Variants in SDK1 observed in about 807,000 individuals in gnomAD.
SDK1 encodes protein sidekick-1.
Under a neutral mutation model 245.5 loss-of-function variants are expected in SDK1, and 157 were observed. That is an observed-to-expected ratio of 0.64 (90% CI 0.56 to 0.73). The LOEUF is 0.73. Ranked by LOEUF, SDK1 falls within the 30% of genes least tolerant of loss-of-function variation. The pLI is 0.00. For synonymous variants in SDK1, 1,647 were observed against 1,278.5 expected, an observed-to-expected ratio of 1.29 and a Z score of -6.15; for missense variants, 3,583 against 3,002.3, an observed-to-expected ratio of 1.19 and a Z score of -4.52.
chr7:3,937,714 C>T (rs1033072840), intron 5 of SDK1, among the ~76,000 whole-genome samples: 4 of 152,180 alleles, frequency 2.6e-5, no homozygotes, highest in African/African-American at 9.6e-5. Context: ...CTTCAAAGGC[C>T]CCTGCCCGCG....
chr7:3,736,164 C>T (rs1277018877), intron 4 of SDK1, among the ~76,000 whole-genome samples: 2 of 152,022 alleles, frequency 1.3e-5, no homozygotes, highest in African/African-American at 4.8e-5. Context: ...TTAGTTTTGT[C>T]CTTTGATGGC....
chr7:4,218,300 G>A (rs984165777), intron 38 of SDK1, among the ~76,000 whole-genome samples: 2 of 152,190 alleles, frequency 1.3e-5, no homozygotes, highest in Non-Finnish European at 2.9e-5. Flanking sequence ...GGCTAAGGCA[G>A]GAGAATCGCT....
In SDK1 at chr7:3,564,601, G is replaced by T. The variant is rs920248190; in HGVS notation, c.299-54479G>T. Among the ~76,000 whole-genome samples the T allele has an allele frequency of 1.7e-4, 26 of 151,918 alleles. 2 individuals are homozygous for T. In the South Asian group the frequency reaches 5.2e-3, roughly 30 times the overall value. Reference sequence around the variant, plus strand: ...ACAAAATGTATACTTAATAAATTTGGGGGAAAAGCTAAATAAAATGAATAA... The same window carrying T: ...ACAAAATGTATACTTAATAAATTTGTGGGAAAAGCTAAATAAAATGAATAA... On this transcript the variant is annotated intron_variant, in intron 1 of 44. Coordinates refer to ENST00000404826, the MANE Select transcript of SDK1 (RefSeq NM_152744.4).
chr7:3,465,851 C>A (rs527635405), intron 1 of SDK1, among the ~76,000 whole-genome samples: 2 of 152,298 alleles, frequency 1.3e-5, no homozygotes, highest in South Asian at 4.1e-4. Flanking sequence ...ACACTCCAAG[C>A]AGCCATAGGG....
intron 1 of SDK1, among the ~76,000 whole-genome samples, chr7:3,323,368 C>T (rs546502203): frequency 3.3e-5 from 5 of 152,190 alleles, no homozygotes; most frequent in South Asian, 4.1e-4. Context: ...CTGCTGGTGC[C>T]GATTGAATTT....
At chr7:3,424,911 T>C (rs954677304) in intron 1 of SDK1, among the ~76,000 whole-genome samples, 1 of 151,956 alleles carries the variant, frequency 6.6e-6, no homozygotes. Flanking sequence ...AACAAATATT[T>C]TTCATCCTTG....
chr7:3,491,681 T>G (rs1183799643), intron 1 of SDK1, among the ~76,000 whole-genome samples: 1 of 152,212 alleles, frequency 6.6e-6, no homozygotes, highest in Non-Finnish European at 1.5e-5. Flanking sequence ...ACATTCTCAG[T>G]TGAGCTAGAA....
intron 4 of SDK1, among the ~76,000 whole-genome samples, chr7:3,665,821 C>T: frequency 6.6e-6 from 1 of 152,162 alleles, no homozygotes; most frequent in East Asian, 1.9e-4. Flanking sequence ...TTGGAGTATC[C>T]AGCGTTCCTT....
chr7:3,617,879 C>T (rs142339113), intron 1 of SDK1, among the ~76,000 whole-genome samples: 17 of 152,140 alleles, frequency 1.1e-4, no homozygotes, highest in South Asian at 2.1e-4. Flanking sequence ...ACATTCAGAC[C>T]GTAACTCTAG....
At chr7:3,761,452 G>T (rs189905678) in intron 4 of SDK1, among the ~76,000 whole-genome samples, 24 of 151,508 alleles carry the variant, frequency 1.6e-4, no homozygotes, top group African/African-American at 5.3e-4. Context: ...TACTCGGAAG[G>T]CTGAGGCAGG....
chr7:3,713,652 G>C (rs1350887086), intron 4 of SDK1, among the ~76,000 whole-genome samples: 1 of 152,212 alleles, frequency 6.6e-6, no homozygotes, highest in African/African-American at 2.4e-5. Context: ...TCCGTCATCA[G>C]ATACCTTTCT....
At chr7:3,846,051 A>G (rs2115094928) in intron 5 of SDK1, among the ~76,000 whole-genome samples, 1 of 152,264 alleles carries the variant, frequency 6.6e-6, no homozygotes, top group African/African-American at 2.4e-5. Flanking sequence ...GTTTGAAGTA[A>G]ATGAGAGTAA....
At chr7:3,322,041 G>A (rs1420521422) in intron 1 of SDK1, among the ~76,000 whole-genome samples, 2 of 147,746 alleles carry the variant, frequency 1.4e-5, no homozygotes, top group Non-Finnish European at 3.0e-5. Flanking sequence ...GTGCCACACA[G>A]CATCGAGTGA....
chr7:3,676,787 T>C (rs1783917513), intron 4 of SDK1, among the ~76,000 whole-genome samples: 1 of 152,230 alleles, frequency 6.6e-6, no homozygotes, highest in Admixed American at 6.5e-5. Flanking sequence ...CTTTACTCCA[T>C]TGCTTATTTT....
intron 1 of SDK1, among the ~76,000 whole-genome samples, chr7:3,480,520 C>G (rs1356385631): frequency 1.3e-5 from 2 of 152,206 alleles, no homozygotes; most frequent in African/African-American, 4.8e-5. Flanking sequence ...CTTCGGTGTT[C>G]CCGATAAGCT....
chr7:4,022,408 C>T (rs1008416264), intron 17 of SDK1, among the ~76,000 whole-genome samples: 2 of 152,144 alleles, frequency 1.3e-5, no homozygotes, highest in African/African-American at 4.8e-5. Flanking sequence ...TTGAGCTCCT[C>T]CTGAGAAAGT....
intron 35 of SDK1, among the ~76,000 whole-genome samples, chr7:4,184,191 G>A (rs1257556791): frequency 2.0e-5 from 3 of 152,182 alleles, no homozygotes; most frequent in Non-Finnish European, 2.9e-5. Context: ...CCGTCCCCTC[G>A]GCTGGAAGCT....
At chr7:3,804,398 A>G (rs1779187941) in intron 4 of SDK1, among the ~76,000 whole-genome samples, 1 of 152,014 alleles carries the variant, frequency 6.6e-6, no homozygotes, top group Non-Finnish European at 1.5e-5. Context: ...TTTTGGCCCT[A>G]CTGTTACGGG....
chr7:3,407,934 G>A (rs1003565413), intron 1 of SDK1, among the ~76,000 whole-genome samples: 2 of 152,168 alleles, frequency 1.3e-5, no homozygotes, highest in Admixed American at 1.3e-4. Context: ...AAACACAGGT[G>A]GATGAGAAGG....
Sources: gnomAD v4.1 joint callset for allele counts (sites outside exome capture counted in the v4.1 genomes callset) on GRCh38, gnomAD v4.1.1 for gene constraint, MANE v1.5 for transcripts, NCBI Gene and HGNC (gene_info 2026-07-23, HGNC 2026-07-21) for gene names.